The following SYNE1 variants were observed in gnomAD, a reference collection of about 807,000 sequenced individuals.
SYNE1 encodes the protein spectrin repeat containing nuclear envelope protein 1.
SYNE1 carries 616 observed loss-of-function variants against 1,111.0 expected under a neutral mutation model. The observed-to-expected ratio is 0.55, with a 90% CI of 0.52 to 0.59. The LOEUF is 0.59. Among genes scored for constraint, SYNE1 ranks in the 20% least tolerant of loss-of-function variants. SYNE1 has a pLI of 0.00. For synonymous variants in SYNE1, 3,855 were observed against 3,825.8 expected, an observed-to-expected ratio of 1.01 and a Z score of -0.28; for missense variants, 10,006 against 10,417.0, an observed-to-expected ratio of 0.96 and a Z score of 1.72.
At chr6:152,343,958 CT>C in intron 74 of SYNE1, 122 bp downstream of exon 74, 2 of 1,410,574 alleles carry the variant, frequency 1.4e-6, no homozygotes, top group Non-Finnish European at 2.0e-6. Flanking sequence ...AACCTCAGAC[CT>C]TCTTCCTACT....
intron 30 of SYNE1, 51 bp from the exon 31 acceptor site, chr6:152,442,296 T>C: frequency 6.2e-7 from 1 of 1,605,228 alleles, no homozygotes; most frequent in Non-Finnish European, 8.5e-7. Context: ...TCTAAACAGC[T>C]AAGTAGGGAC....
At chr6:152,345,399 C>T (rs1196529484) in intron 73 of SYNE1, among the ~76,000 whole-genome samples, 1 of 152,032 alleles carries the variant, frequency 6.6e-6, no homozygotes, top group Non-Finnish European at 1.5e-5. Flanking sequence ...TCATCATTTT[C>T]AATTATTTAT....
In SYNE1 at chr6:152,278,207, A is replaced by G; in HGVS notation, c.18455T>C (p.Leu6152Pro). 1 of 1,614,202 alleles carries G rather than the reference A, an allele frequency of 6.2e-7. No homozygotes were observed. Among genetic ancestry groups the G allele is most frequent in the Non-Finnish European group, 8.5e-7 (1 of 1,180,044 alleles). ...GTCCTTGGTGTGAGCTTTGCCCTCC[A>G]GCAGCAGGTTCTCATTGTGGACTGA... ...ELSVHNENLL[L>P]EGKAHTKDEA... Residue 6152 changes from leucine (L) to proline (P), a missense_variant, in exon 98 of 146, where the codon CTG becomes CCG. Leu to Pro is a moderately conservative substitution (Grantham distance 98). Around this residue, in one of 7 missense-constraint regions of SYNE1, gnomAD observed 99 missense variants for 147.8 expected, o/e 0.67. Coordinates refer to ENST00000367255, the MANE Select transcript of SYNE1 (RefSeq NM_182961.4).
At chr6:152,388,693 T>C (rs1184574872) in intron 53 of SYNE1, among the ~76,000 whole-genome samples, 3 of 152,230 alleles carry the variant, frequency 2.0e-5, no homozygotes, top group African/African-American at 7.2e-5. Context: ...TCTGAGCTTT[T>C]AGAGGGCAAA....
rs778837426 is a variant in SYNE1 at position 152,401,189 on chromosome 6, C to T, written c.6978G>A (p.Ser2326=). ...TCTCATTTTGGGCACAGTTCATCAA[C>T]GATTCTTCCACTTTTGTGAACCATG... ...ITTWFTKVEE[S]LMNCAQNETC... is the part of the protein sequence containing the mutation. Residue 2326 remains serine, a synonymous_variant, in exon 47 of 146, where the codon TCG becomes TCA. Transcript: ENST00000367255. 1.3e-5 allele frequency: 21 copies of T among 1,613,996 alleles called. No homozygotes were observed. The highest frequency in any genetic ancestry group is 3.3e-5 in the South Asian group (3 of 91,088).
chr6:152,207,625 CT>C (rs2076758008), intron 125 of SYNE1, among the ~76,000 whole-genome samples: 1 of 152,140 alleles, frequency 6.6e-6, no homozygotes, highest in Admixed American at 6.5e-5. Context: ...CTTTGGAATA[CT>C]CAAGTTACGT....
In SYNE1 at chr6:152,387,350, C is replaced by A; in HGVS notation, c.8209G>T (p.Asp2737Tyr). The A allele has an allele frequency of 6.2e-7, 1 of 1,614,160 alleles. No individual in the cohort carries two copies. The highest frequency in any genetic ancestry group is 1.1e-5 in the South Asian group (1 of 91,072). Residue 2737 changes from aspartate to tyrosine, a missense_variant, in exon 54 of 146, where the codon GAC (aspartate) becomes TAC (tyrosine). Asp to Tyr is a radical substitution (Grantham distance 160). Transcript: ENST00000367255. The part of the protein sequence containing the change: ...TLESVISQWN[D>Y]YVERKNQLEQ... ...AACTGGTTTTTCCTCTCTACATAGT[C>A]ATTCCATTGGCTAATCACAGACTCT...
At chr6:152,166,206 T>G (rs531457398) in intron 130 of SYNE1, among the ~76,000 whole-genome samples, 1 of 152,324 alleles carries the variant, frequency 6.6e-6, no homozygotes, top group South Asian at 2.1e-4. Flanking sequence ...CATGGTAACT[T>G]CCTTGGAAAG....
intron 28 of SYNE1, among the ~76,000 whole-genome samples, chr6:152,449,013 C>T (rs35578290): frequency 0.019 from 2,934 of 152,292 alleles, 42 homozygotes; most frequent in Non-Finnish European, 0.031. Context: ...GTGCCATTTA[C>T]AGAATGCAAA....
At chr6:152,462,043 T>G (rs2098736955) in intron 20 of SYNE1, among the ~76,000 whole-genome samples, 1 of 152,058 alleles carries the variant, frequency 6.6e-6, no homozygotes, top group African/African-American at 2.4e-5. Flanking sequence ...AATGTAAATG[T>G]ATATTTAAAA....
intron 94 of SYNE1, 31 bp from the exon 95 acceptor site, chr6:152,293,780 T>C: frequency 1.2e-6 from 2 of 1,613,856 alleles, no homozygotes; most frequent in Non-Finnish European, 1.7e-6. Context: ...TACCAAATGC[T>C]TCCCAGCCCC....
Position 152,377,034 on chromosome 6 carries a change from T to C in SYNE1, c.9010-122A>G. ...GTGAGAGAAGAACCAACATGGTAGA[T>C]TCAATGAAGAAATGAAGCCTGTTTT... On this transcript the variant is annotated intron_variant, in intron 56 of 145. Coordinates refer to ENST00000367255, the MANE Select transcript of SYNE1 (RefSeq NM_182961.4). 7 of 1,268,276 alleles carry C rather than the reference T, an allele frequency of 5.5e-6. No individual in the cohort carries two copies. The South Asian group carries it at 6.5e-5, about 12-fold the overall frequency. The allele number at this position is 1,268,276 out of a possible 1,614,324, so 78.6% of individuals were successfully genotyped here. A position where few individuals can be genotyped will look rare whatever the true frequency, so the allele number is the denominator to read the frequency against.
In SYNE1 at chr6:152,278,264, A is replaced by G; in HGVS notation, c.18398T>C (p.Ile6133Thr). 1 of 1,614,060 alleles carries G rather than the reference A, an allele frequency of 6.2e-7. No homozygotes were observed. The highest frequency in any genetic ancestry group is 1.1e-5 in the South Asian group (1 of 91,074). ...LMDCQNMLVE[I>T]EQKVVALSEL... ...TGATAAAGCCACCACCTTCTGCTCT[A>G]TTTCCACCAGCATATTCTGCAGCAA... Residue 6133 changes from isoleucine (I) to threonine (T), a missense_variant, in exon 98 of 146, where the codon ATA becomes ACA. Physicochemically the swap from Ile to Thr is moderately conservative, Grantham distance 89 (BLOSUM62 -1). Around this residue, in one of 7 missense-constraint regions of SYNE1, gnomAD observed 99 missense variants for 147.8 expected, o/e 0.67. Coordinates refer to ENST00000367255, the MANE Select transcript of SYNE1 (RefSeq NM_182961.4).
chr6:152,410,725 T>C (rs1440094301), intron 42 of SYNE1, among the ~76,000 whole-genome samples: 1 of 152,164 alleles, frequency 6.6e-6, no homozygotes, highest in African/African-American at 2.4e-5. Flanking sequence ...AGGGAGACTA[T>C]CTCATAAAAG....
chr6:152,472,410 G>C lies in SYNE1; in HGVS notation c.1354C>G (p.Leu452Val). 6.2e-7 allele frequency: 1 copy of C among 1,612,500 alleles called. No individual in the cohort carries two copies. Among genetic ancestry groups the C allele is most frequent in the Non-Finnish European group, 8.5e-7 (1 of 1,178,932 alleles). Residue 452 changes from leucine to valine, a missense_variant, in exon 15 of 146, where the codon CTG (leucine) becomes GTG (valine). By Grantham distance (32) the Leu-to-Val change is conservative (BLOSUM62 1). This residue lies in a region of SYNE1 where 1,971 missense variants were observed against 2,084.1 expected (regional missense o/e 0.95). Coordinates refer to ENST00000367255, the MANE Select transcript of SYNE1 (RefSeq NM_182961.4). ...TTGTGGGCATCCGTGTTTTGAAGCAGATCCTAAGATACAGTTTAAAAAAAA... is the reference window on the plus strand; with the variant it reads ...TTGTGGGCATCCGTGTTTTGAAGCACATCCTAAGATACAGTTTAAAAAAAA... The part of the protein sequence containing the change: ...IQRKLEQHKD[L>V]LQNTDAHKRA...
rs369694136 is a variant in SYNE1, at chr6:152,369,175, T to C, written c.9652-48A>G. ...TATTCAGAGGCTGGGGAAAAGCACA[T>C]CGCGGACGAAGCTTTGGCCCAGAGA... On this transcript the variant is annotated intron_variant, in intron 60 of 145. Coordinates refer to ENST00000367255, the MANE Select transcript of SYNE1 (RefSeq NM_182961.4). 1.2e-5 allele frequency: 20 copies of C among 1,602,808 alleles called. No homozygotes were observed. The African/African-American group carries it at 2.1e-4, about 17-fold the overall frequency.
intron 38 of SYNE1, among the ~76,000 whole-genome samples, chr6:152,426,823 C>A (rs1466874728): frequency 6.6e-6 from 1 of 152,136 alleles, no homozygotes; most frequent in Non-Finnish European, 1.5e-5. Context: ...TGGAGTACCC[C>A]CCAAGTCAAG....
chr6:152,184,635 G>C (rs73780633), intron 128 of SYNE1, among the ~76,000 whole-genome samples: 5 of 71,886 alleles, frequency 7.0e-5, no homozygotes, highest in Non-Finnish European at 1.2e-4. Flanking sequence ...CACATATATA[G>C]ATAGATAGAT....
chr6:152,323,362 C>G (rs1483615131), intron 82 of SYNE1, 116 bp downstream of exon 82: 6 of 1,474,010 alleles, frequency 4.1e-6, no homozygotes, highest in Non-Finnish European at 5.5e-6. Flanking sequence ...TGGCGTGAAC[C>G]CGGGAGGCGG....
Sources: gnomAD v4.1 joint callset for allele counts (sites outside exome capture counted in the v4.1 genomes callset) on GRCh38, gnomAD v4.1.1 for gene constraint, gnomAD v4.1.1 regional missense constraint, MANE v1.5 for transcripts, NCBI Gene and HGNC (gene_info 2026-07-23, HGNC 2026-07-21) for gene names.